ESR2: variants seen among roughly 807,000 people sequenced by gnomAD.
ESR2 encodes the protein estrogen receptor 2.
A neutral mutation model predicts 49.6 loss-of-function variants in ESR2; 36 were observed. The ratio of observed to expected loss-of-function variants is 0.73; its 90% confidence interval spans 0.56 to 0.96. The LOEUF is 0.96. Ranked by LOEUF, ESR2 falls within the 40% of genes least tolerant of loss-of-function variation. The pLI is 0.00. For synonymous variants in ESR2, 320 were observed against 266.1 expected, an observed-to-expected ratio of 1.20 and a Z score of -1.97; for missense variants, 714 against 693.0, an observed-to-expected ratio of 1.03 and a Z score of -0.34.
chr14:64,272,340 G>T (rs569173456), intron 3 of ESR2, among the ~76,000 whole-genome samples: 69 of 152,236 alleles, frequency 4.5e-4, no homozygotes, highest in African/African-American at 1.6e-3. Flanking sequence ...CCCATTCTGT[G>T]TGTTGTCTCT....
In ESR2 at chr14:64,231,950, A is replaced by G. The variant is rs1162185585; in HGVS notation, c.*1187T>C. On this transcript the variant is annotated 3_prime_UTR_variant, in exon 9 of 9. Coordinates refer to ENST00000341099, the MANE Select transcript of ESR2 (RefSeq NM_001437.3). ...GTTTCTTTTTCACCCTGCCCACCATATAAATTTTCCAATAAGAAAATATTT... is the reference window on the plus strand; with the variant it reads ...GTTTCTTTTTCACCCTGCCCACCATGTAAATTTTCCAATAAGAAAATATTT... 1.3e-5 allele frequency: 2 copies of G among 152,228 alleles called. No homozygotes were observed. The highest frequency in any genetic ancestry group is 2.4e-5 in the African/African-American group (1 of 41,456). 9.4% of individuals were successfully genotyped at this position (152,228 alleles called of 1,614,324 possible). A position where few individuals can be genotyped will look rare whatever the true frequency, so the allele number is the denominator to read the frequency against.
intron 1 of ESR2, among the ~76,000 whole-genome samples, chr14:64,337,036 G>A (rs1203296361): frequency 6.6e-6 from 1 of 152,126 alleles, no homozygotes; most frequent in Admixed American, 6.6e-5. Context: ...CTGAGGGCAG[G>A]AACAGTTCAC....
At chr14:64,277,378 C>A (rs2076575815) in intron 3 of ESR2, among the ~76,000 whole-genome samples, 1 of 152,090 alleles carries the variant, frequency 6.6e-6, no homozygotes, top group Non-Finnish European at 1.5e-5. Context: ...GTAATCCCAG[C>A]ACTTTGGGAG....
chr14:64,242,789 G>T (rs1484358565), intron 7 of ESR2, among the ~76,000 whole-genome samples: 1 of 152,146 alleles, frequency 6.6e-6, no homozygotes, highest in Non-Finnish European at 1.5e-5. Flanking sequence ...TAAACTTGGT[G>T]TATTAGTCCA....
chr14:64,274,666 T>A (rs993987057), intron 3 of ESR2, among the ~76,000 whole-genome samples: 5 of 152,194 alleles, frequency 3.3e-5, no homozygotes, highest in Non-Finnish European at 7.3e-5. Flanking sequence ...GGCTTGCTCT[T>A]GCTTTTCTAG....
At chr14:64,301,315 C>G (rs749878151) in intron 1 of ESR2, 4 of 152,170 alleles carry the variant, frequency 2.6e-5, no homozygotes, top group Non-Finnish European at 4.4e-5. Flanking sequence ...AGTCACGTTC[C>G]CGCATGTTTG....
At chr14:64,240,760 G>A (rs1264488745) in intron 7 of ESR2, among the ~76,000 whole-genome samples, 3 of 152,076 alleles carry the variant, frequency 2.0e-5, no homozygotes, top group Non-Finnish European at 2.9e-5. Flanking sequence ...TAAATTACAT[G>A]AAATGTTCAT....
intron 1 of ESR2, among the ~76,000 whole-genome samples, chr14:64,288,303 A>C (rs1035562730): frequency 1.3e-5 from 2 of 152,018 alleles, no homozygotes; most frequent in Non-Finnish European, 2.9e-5. Flanking sequence ...GACAAGAAAA[A>C]GTTTGGCCCT....
At chr14:64,249,425 A>G in intron 7 of ESR2, 121 bp downstream of exon 7, 1 of 1,228,322 alleles carries the variant, frequency 8.1e-7, no homozygotes, top group Non-Finnish European at 1.1e-6. Flanking sequence ...ACGAAGTCCA[A>G]AAGGAAACCA....
intron 1 of ESR2, among the ~76,000 whole-genome samples, chr14:64,332,693 G>T (rs1214823738): frequency 1.3e-5 from 2 of 149,372 alleles, no homozygotes; most frequent in African/African-American, 4.9e-5. Context: ...CCAGCTACTC[G>T]GGAGGCTAAG....
chr14:64,240,961 G>A (rs1490760940), intron 7 of ESR2, among the ~76,000 whole-genome samples: 1 of 151,588 alleles, frequency 6.6e-6, no homozygotes, highest in Non-Finnish European at 1.5e-5. Context: ...TGGCTAACAC[G>A]GTGAAACCCC....
At chr14:64,262,434 A>C (rs1272372296) in intron 4 of ESR2, among the ~76,000 whole-genome samples, 1 of 152,174 alleles carries the variant, frequency 6.6e-6, no homozygotes, top group African/African-American at 2.4e-5. Context: ...AGTTTTAGTG[A>C]TATAGAAACA....
intron 1 of ESR2, among the ~76,000 whole-genome samples, chr14:64,309,378 G>A (rs1161891598): frequency 1.3e-5 from 2 of 152,158 alleles, no homozygotes; most frequent in Non-Finnish European, 2.9e-5. Context: ...TTGGGAGGCC[G>A]AGGTGGGTGG....
rs1488031774 is a variant in ESR2 at position 64,260,532 on chromosome 14, G to A, written c.869C>T (p.Thr290Ile). ...CAGGGACATCATCATGGAGGCCTCG[G>A]TGAAGGGCGCACTGGGGCGGCTGAT... ...VLISRPSAPFTEASMMMSLTK... is the reference protein window; with the variant it reads ...VLISRPSAPFIEASMMMSLTK... The change falls in exon 5 of 9, where the codon ACC (threonine) becomes ATC (isoleucine). Residue 290 changes from threonine (T) to isoleucine (I), a missense_variant. Thr to Ile is a moderately conservative substitution (Grantham distance 89, BLOSUM62 -1). Coordinates refer to ENST00000341099, the MANE Select transcript of ESR2 (RefSeq NM_001437.3). 1 of 1,566,350 alleles carries A rather than the reference G, an allele frequency of 6.4e-7. No individual in the cohort carries two copies. Among genetic ancestry groups the A allele is most frequent in the Non-Finnish European group, 8.7e-7 (1 of 1,155,512 alleles).
intron 1 of ESR2, among the ~76,000 whole-genome samples, chr14:64,287,200 C>T (rs2076798335): frequency 6.6e-6 from 1 of 152,056 alleles, no homozygotes; most frequent in African/African-American, 2.4e-5. Context: ...ACAAATTCCC[C>T]ACTCCTCCCT....
At chr14:64,286,706 C>T (rs1376159097) in intron 1 of ESR2, among the ~76,000 whole-genome samples, 1 of 151,760 alleles carries the variant, frequency 6.6e-6, no homozygotes, top group Non-Finnish European at 1.5e-5. Context: ...CCAAAACTAG[C>T]AGTTTCTAAA....
At chr14:64,256,587 G>A (rs555597519) in intron 6 of ESR2, among the ~76,000 whole-genome samples, 9 of 152,234 alleles carry the variant, frequency 5.9e-5, no homozygotes, top group African/African-American at 2.2e-4. Context: ...AAATTAGCCT[G>A]GCATGGTGGT....
chr14:64,273,009 T>C (rs1190649819), intron 3 of ESR2, among the ~76,000 whole-genome samples: 12 of 81,672 alleles, frequency 1.5e-4, no homozygotes, highest in Non-Finnish European at 2.2e-4. Flanking sequence ...TCTTTCCATT[T>C]TTTTTGTCCT....
chr14:64,337,385 A>G (rs984439371), intron 1 of ESR2: 1 of 152,070 alleles, frequency 6.6e-6, no homozygotes, highest in Admixed American at 6.5e-5. Context: ...CAAAAGTTTC[A>G]CTCCCTACAA....
Sources: gnomAD v4.1 joint callset for allele counts (sites outside exome capture counted in the v4.1 genomes callset) on GRCh38, gnomAD v4.1.1 for gene constraint, MANE v1.5 for transcripts, NCBI Gene and HGNC (gene_info 2026-07-23, HGNC 2026-07-21) for gene names.